The following GREB1 variants were observed in gnomAD, a reference collection of about 807,000 sequenced individuals.
GREB1 encodes protein GREB1.
In GREB1, 106 loss-of-function variants were observed where a neutral mutation model predicts 200.7. The observed-to-expected ratio is 0.53, with a 90% CI of 0.45 to 0.62. GREB1 has a LOEUF of 0.62. Ranked by LOEUF, GREB1 falls within the 20% of genes least tolerant of loss-of-function variation. The probability of loss-of-function intolerance (pLI) is 0.00; values close to 1 mark genes in which losing one functional copy is unlikely to be tolerated. For missense variants in GREB1, 2,243 were observed against 2,556.8 expected (o/e 0.88, Z 2.65); for synonymous variants, 1,132 against 1,092.4 (o/e 1.04, Z -0.72).
At chr2:11,570,017 A>T (rs569393209) in intron 4 of GREB1, among the ~76,000 whole-genome samples, 2 of 152,294 alleles carry the variant, frequency 1.3e-5, no homozygotes, top group East Asian at 1.9e-4. Flanking sequence ...TGTTTCATTG[A>T]TAATGTCCCC....
chr2:11,601,062 A>G lies in GREB1; in HGVS notation c.2529+67A>G, dbSNP rs941474748. On this transcript the variant is annotated intron_variant, in intron 16 of 32. Transcript: ENST00000381486. Reference sequence around the variant, plus strand: ...ACTTGGGTTTGCAGAAATTACATTTAGTAACAGCCTTGACCAGTGTGGTTG... The same window carrying G: ...ACTTGGGTTTGCAGAAATTACATTTGGTAACAGCCTTGACCAGTGTGGTTG... 1.8e-5 allele frequency: 24 copies of G among 1,361,422 alleles called. No homozygotes were observed. The South Asian group carries it at 2.0e-4, about 11-fold the overall frequency. 84.3% of individuals were successfully genotyped at this position (1,361,422 alleles called of 1,614,324 possible).
intron 6 of GREB1, among the ~76,000 whole-genome samples, chr2:11,579,686 TA>T (rs1346116804): frequency 6.6e-6 from 1 of 152,188 alleles, no homozygotes; most frequent in African/African-American, 2.4e-5. Flanking sequence ...GCCAGCCTCT[TA>T]AACCCACAGG....
intron 17 of GREB1, among the ~76,000 whole-genome samples, chr2:11,607,422 A>G (rs1285023250): frequency 1.1e-5 from 1 of 88,068 alleles, no homozygotes; most frequent in African/African-American, 4.2e-5. Context: ...TTCATCCAGT[A>G]TATGTATGTG....
chr2:11,543,581 A>T (rs1268129379), intron 1 of GREB1, among the ~76,000 whole-genome samples: 1 of 152,240 alleles, frequency 6.6e-6, no homozygotes, highest in African/African-American at 2.4e-5. Context: ...GTCTTATTGA[A>T]AAGTGAATGC....
chr2:11,552,748 A>C, intron 1 of GREB1, among the ~76,000 whole-genome samples: 1 of 152,040 alleles, frequency 6.6e-6, no homozygotes. Context: ...GCGGTGGCTC[A>C]CGCCTGTAAT....
chr2:11,590,496 T>C (rs969530378), intron 10 of GREB1, among the ~76,000 whole-genome samples: 1 of 152,178 alleles, frequency 6.6e-6, no homozygotes, highest in Non-Finnish European at 1.5e-5. Flanking sequence ...TCCTTCCCTG[T>C]GGCATGCTCT....
rs1232244109 is a variant in GREB1 at position 11,587,746 on chromosome 2, A to C, written c.1160-1000A>C. The C allele has an allele frequency of 1.4e-5, 12 of 838,756 alleles. No homozygotes were observed. In the African/African-American group the frequency reaches 1.8e-4, roughly 13 times the overall value. 52.0% of individuals were successfully genotyped at this position (838,756 alleles called of 1,614,324 possible). ...ACACACACACACACACACACACGCC[A>C]CCTTTGGGAGCTCAGCAGCCCCGAG... On this transcript the variant is annotated intron_variant, in intron 9 of 32. Coordinates refer to ENST00000381486, the MANE Select transcript of GREB1 (RefSeq NM_014668.4).
At chr2:11,521,465 G>A (rs1673702545) in intron 1 of GREB1, among the ~76,000 whole-genome samples, 1 of 152,140 alleles carries the variant, frequency 6.6e-6, no homozygotes, top group Non-Finnish European at 1.5e-5. Context: ...AAAAAAATTG[G>A]CATGTGTGAA....
chr2:11,612,674 A>G, intron 19 of GREB1, 64 bp downstream of exon 19: 1 of 1,033,346 alleles, frequency 9.7e-7, no homozygotes, highest in South Asian at 1.3e-5. Context: ...CCCCTCAAGG[A>G]GCATGTCAGG....
chr2:11,590,260 C>T (rs927944243), intron 10 of GREB1, among the ~76,000 whole-genome samples: 10 of 152,276 alleles, frequency 6.6e-5, no homozygotes, highest in East Asian at 3.9e-4. Flanking sequence ...CTGTGGCTGC[C>T]GCCTCACCGG....
chr2:11,607,088 A>G (rs895164452), intron 17 of GREB1, among the ~76,000 whole-genome samples: 11 of 149,896 alleles, frequency 7.3e-5, no homozygotes, highest in African/African-American at 2.7e-4. Flanking sequence ...GCCTATTATT[A>G]TTATTTTTTA....
At chr2:11,489,170 C>T (rs11903099) in intron 1 of GREB1, among the ~76,000 whole-genome samples, 70,700 of 151,912 alleles carry the variant, frequency 0.47, 16,634 homozygotes, top group Middle Eastern at 0.57. Context: ...TACTTTGGGC[C>T]GGCCGGGCAC....
intron 1 of GREB1, among the ~76,000 whole-genome samples, chr2:11,519,659 G>A (rs1673639683): frequency 6.6e-6 from 1 of 151,872 alleles, no homozygotes; most frequent in African/African-American, 2.4e-5. Flanking sequence ...GTTTCACCAT[G>A]TTGCCAGGCT....
intron 5 of GREB1, among the ~76,000 whole-genome samples, 168 bp from the exon 6 acceptor site, chr2:11,578,129 C>T (rs1054247757): frequency 6.6e-6 from 1 of 152,214 alleles, no homozygotes; most frequent in African/African-American, 2.4e-5. Context: ...TAGAGAGTCG[C>T]ACCCCTGCCC....
chr2:11,626,822 G>A (rs1684499236), intron 24 of GREB1, 140 bp from the exon 25 acceptor site: 1 of 776,246 alleles, frequency 1.3e-6, no homozygotes, highest in Middle Eastern at 2.8e-4. Context: ...AGGGCCCAGG[G>A]AGGTGAGAGG....
chr2:11,518,192 T>C (rs1193170465), intron 1 of GREB1, among the ~76,000 whole-genome samples: 1 of 152,212 alleles, frequency 6.6e-6, no homozygotes, highest in Non-Finnish European at 1.5e-5. Context: ...AACTGAGGCC[T>C]CCTTCCAGTT....
chr2:11,566,598 G>C lies in GREB1; in HGVS notation c.396G>C (p.Leu132=), dbSNP rs953642936. ...VKSPSLPDHL[L]VCAVDKRFLP... is the part of the protein sequence containing the mutation. ...CCCCCAGCCTGCCGGACCATCTCCT[G>C]GTGTGCGCCGTTGACAAGAGGTTCT... Residue 132 remains leucine (L), a synonymous_variant, in exon 4 of 33, where the codon CTG becomes CTC. Coordinates refer to ENST00000381486, the MANE Select transcript of GREB1 (RefSeq NM_014668.4). The C allele has an allele frequency of 2.5e-6, 4 of 1,614,118 alleles. No homozygotes were observed. Among genetic ancestry groups the C allele is most frequent in the Non-Finnish European group, 2.5e-6 (3 of 1,180,004 alleles).
intron 1 of GREB1, chr2:11,539,795 AT>A (rs66629142): frequency 0.031 from 3,793 of 121,224 alleles, 110 homozygotes; most frequent in African/African-American, 0.091. Context: ...CTACTGCTGA[AT>A]TTTTTTTTTT....
chr2:11,635,376 G>A lies in GREB1; in HGVS notation c.5317G>A (p.Gly1773Ser), dbSNP rs748589622. 25 of 1,612,972 alleles carry A rather than the reference G, an allele frequency of 1.5e-5. No homozygotes were observed. The highest frequency in any genetic ancestry group is 5.5e-5 in the South Asian group (5 of 90,862). ...SVMKKQIVVG[G>S]HRSFHITSKV... ...GATGAAGAAGCAGATCGTGGTGGGC[G>A]GCCACAGGTCCTTCCACATCACATC... Residue 1773 changes from glycine to serine, a missense_variant, in exon 30 of 33, where the codon GGC becomes AGC. Transcript: ENST00000381486.
Sources: gnomAD v4.1 joint callset for allele counts (sites outside exome capture counted in the v4.1 genomes callset) on GRCh38, gnomAD v4.1.1 for gene constraint, MANE v1.5 for transcripts, NCBI Gene and HGNC (gene_info 2026-07-23, HGNC 2026-07-21) for gene names.